RAPGEF6: variants seen among roughly 807,000 people sequenced by gnomAD.
RAPGEF6 encodes PDZ domain containing guanine nucleotide exchange factor (GEF) 2.
RAPGEF6 carries 56 observed loss-of-function variants against 171.4 expected under a neutral mutation model. That is an observed-to-expected ratio of 0.33 (90% CI 0.26 to 0.41). RAPGEF6 has a LOEUF of 0.41. Ranked by LOEUF, RAPGEF6 falls within the 10% of genes least tolerant of loss-of-function variation. The pLI, the probability that RAPGEF6 is intolerant of heterozygous loss-of-function variation, is 1.00. For missense variants in RAPGEF6, 1,674 were observed against 1,921.4 expected (o/e 0.87, Z 2.41); for synonymous variants, 692 against 650.1 (o/e 1.06, Z -0.98).
intron 11 of RAPGEF6, among the ~76,000 whole-genome samples, chr5:131,500,466 C>T (rs1169356294): frequency 6.6e-6 from 1 of 152,138 alleles, no homozygotes; most frequent in Non-Finnish European, 1.5e-5. Context: ...GGCAAAATCA[C>T]AGAGGCAGGG....
At chr5:131,539,057 TAA>T (rs1170419923) in intron 6 of RAPGEF6, among the ~76,000 whole-genome samples, 1 of 152,240 alleles carries the variant, frequency 6.6e-6, no homozygotes, top group East Asian at 1.9e-4. Flanking sequence ...GGGCTGTAAA[TAA>T]AGAGAGAAGA....
chr5:131,452,626 G>T (rs1245105128), intron 21 of RAPGEF6, among the ~76,000 whole-genome samples: 4 of 145,944 alleles, frequency 2.7e-5, no homozygotes, highest in Admixed American at 6.9e-5. Flanking sequence ...GTATTTGTTT[G>T]CTGATTTTTT....
chr5:131,456,170 T>TA (rs1753482037), intron 19 of RAPGEF6, among the ~76,000 whole-genome samples, 158 bp from the exon 20 acceptor site: 1 of 152,112 alleles, frequency 6.6e-6, no homozygotes, highest in African/African-American at 2.4e-5. Context: ...AAAAAATAAA[T>TA]AAGAGACTCC....
At chr5:131,474,967 C>T (rs1360531891) in intron 16 of RAPGEF6, among the ~76,000 whole-genome samples, 1 of 152,192 alleles carries the variant, frequency 6.6e-6, no homozygotes. Context: ...AGGGAATTAA[C>T]TGCATCAACT....
At chr5:131,558,833 T>G (rs1267277271) in intron 5 of RAPGEF6, among the ~76,000 whole-genome samples, 1 of 152,210 alleles carries the variant, frequency 6.6e-6, no homozygotes. Context: ...ACTGAAATTT[T>G]GAGACTTGCT....
intron 21 of RAPGEF6, among the ~76,000 whole-genome samples, chr5:131,451,044 T>C (rs1753032231): frequency 6.6e-6 from 1 of 151,924 alleles, no homozygotes; most frequent in African/African-American, 2.4e-5. Flanking sequence ...CAATAGAGAG[T>C]GTTAGGGTCA....
At chr5:131,481,672 C>T in intron 15 of RAPGEF6, among the ~76,000 whole-genome samples, 1 of 152,128 alleles carries the variant, frequency 6.6e-6, no homozygotes, top group Admixed American at 6.5e-5. Context: ...GGCTACATCT[C>T]CTTGGGATAA....
chr5:131,488,258 C>T (rs1425273397), intron 15 of RAPGEF6, among the ~76,000 whole-genome samples: 1 of 152,148 alleles, frequency 6.6e-6, no homozygotes, highest in Non-Finnish European at 1.5e-5. Flanking sequence ...CATGGGGGTT[C>T]ACACTATCTC....
At position 131,456,009 on chromosome 5, in the gene RAPGEF6, G is replaced by T; in HGVS notation, c.2868C>A (p.Gly956=). The change falls in exon 20 of 28, where the codon GGC becomes GGA. Residue 956 remains glycine, a synonymous_variant. Transcript: ENST00000509018. ...GTCTTGCTACAGATGCCAGGTTCAA[G>T]CCACTGCCAAAGATGAGAATAGAAA... ...NFNSMFAIIS[G]LNLASVARLR... 2.5e-6 allele frequency: 4 copies of T among 1,613,726 alleles called. No homozygotes were observed. Among genetic ancestry groups the T allele is most frequent in the Non-Finnish European group, 3.4e-6 (4 of 1,179,816 alleles).
intron 3 of RAPGEF6, among the ~76,000 whole-genome samples, chr5:131,600,336 A>G (rs995032510): frequency 2.0e-5 from 3 of 152,122 alleles, no homozygotes; most frequent in African/African-American, 7.2e-5. Flanking sequence ...AGCCTGGCCA[A>G]TGTGGTGAAA....
chr5:131,618,630 T>A (rs1266325625), intron 1 of RAPGEF6, among the ~76,000 whole-genome samples: 1 of 152,018 alleles, frequency 6.6e-6, no homozygotes, highest in East Asian at 1.9e-4. Flanking sequence ...AAAGGGAGAC[T>A]CTGTCTCAAA....
chr5:131,440,751 A>AG (rs1290323756), intron 23 of RAPGEF6, among the ~76,000 whole-genome samples: 1 of 151,304 alleles, frequency 6.6e-6, no homozygotes, highest in Non-Finnish European at 1.5e-5. Flanking sequence ...AAAAAAAAAA[A>AG]AAAAAAAAAA....
At chr5:131,543,760 C>T (rs1275130207) in intron 6 of RAPGEF6, among the ~76,000 whole-genome samples, 1 of 152,152 alleles carries the variant, frequency 6.6e-6, no homozygotes, top group Non-Finnish European at 1.5e-5. Flanking sequence ...GGCTTGATTA[C>T]TTATCCTGCT....
intron 5 of RAPGEF6, among the ~76,000 whole-genome samples, chr5:131,552,612 C>T (rs1055610355): frequency 1.3e-5 from 2 of 152,006 alleles, no homozygotes; most frequent in Non-Finnish European, 2.9e-5. Flanking sequence ...AGGCATGCAC[C>T]ACCACGCCTG....
At chr5:131,440,440 A>C in intron 23 of RAPGEF6, among the ~76,000 whole-genome samples, 1 of 152,110 alleles carries the variant, frequency 6.6e-6, no homozygotes, top group East Asian at 1.9e-4. Flanking sequence ...CACTGTTCTT[A>C]AAACATAAAG....
At chr5:131,599,539 A>G (rs1764104423) in intron 3 of RAPGEF6, among the ~76,000 whole-genome samples, 1 of 152,176 alleles carries the variant, frequency 6.6e-6, no homozygotes, top group African/African-American at 2.4e-5. Context: ...GGGTCACTTA[A>G]TTTAACACAA....
chr5:131,611,021 T>C (rs1331464555), intron 1 of RAPGEF6, among the ~76,000 whole-genome samples: 2 of 152,186 alleles, frequency 1.3e-5, no homozygotes, highest in Non-Finnish European at 2.9e-5. Context: ...GTAAAAATAC[T>C]AAGGAATGCC....
At chr5:131,611,301 G>C (rs1368571416) in intron 1 of RAPGEF6, among the ~76,000 whole-genome samples, 1 of 152,176 alleles carries the variant, frequency 6.6e-6, no homozygotes, top group African/African-American at 2.4e-5. Flanking sequence ...ACACTTTGTA[G>C]TATTCAGTAA....
intron 9 of RAPGEF6, among the ~76,000 whole-genome samples, chr5:131,506,086 C>T (rs778539501): frequency 7.9e-5 from 12 of 152,124 alleles, no homozygotes; most frequent in Non-Finnish European, 1.0e-4. Flanking sequence ...ATTTCTCCTA[C>T]GTTAAGAAAA....
Sources: allele counts gnomAD v4.1 joint callset (sites outside exome capture counted in the v4.1 genomes callset), GRCh38; gene constraint gnomAD v4.1.1; transcripts MANE v1.5; gene names NCBI Gene and HGNC (gene_info 2026-07-23, HGNC 2026-07-21).